The following LRMDA variants were observed in gnomAD, a reference collection of about 807,000 sequenced individuals.
LRMDA encodes the protein leucine-rich melanocyte differentiation-associated protein.
In LRMDA, 18 loss-of-function variants were observed where a neutral mutation model predicts 29.8. That is an observed-to-expected ratio of 0.60 (90% CI 0.42 to 0.90). The LOEUF is 0.90. LRMDA is among the 40% of genes least tolerant of loss of function. LRMDA has a pLI of 0.00. For synonymous variants in LRMDA, 125 were observed against 109.4 expected (o/e 1.14, Z -0.89); for missense variants, 273 against 273.9 (o/e 1.00, Z 0.02).
chr10:75,918,415 C>G (rs1439948866), intron 2 of LRMDA, among the ~76,000 whole-genome samples: 1 of 151,946 alleles, frequency 6.6e-6, no homozygotes, highest in South Asian at 2.1e-4. Context: ...AAAGAGGGAG[C>G]GGGCACATCA....
intron 5 of LRMDA, among the ~76,000 whole-genome samples, chr10:76,135,207 A>G (rs1362164494): frequency 6.6e-6 from 1 of 152,212 alleles, no homozygotes; most frequent in African/African-American, 2.4e-5. Flanking sequence ...GGATCTCATA[A>G]TGCCCACAAA....
intron 2 of LRMDA, among the ~76,000 whole-genome samples, chr10:75,960,084 C>T (rs1035573269): frequency 1.3e-5 from 2 of 152,198 alleles, no homozygotes; most frequent in Non-Finnish European, 2.9e-5. Flanking sequence ...GGCCAGTGCC[C>T]TCTCTCCACA....
intron 5 of LRMDA, among the ~76,000 whole-genome samples, chr10:76,199,512 T>A (rs569070793): frequency 6.6e-6 from 1 of 152,204 alleles, no homozygotes; most frequent in Non-Finnish European, 1.5e-5. Context: ...AGGCATTTAC[T>A]TGTATCCTTG....
chr10:76,094,124 C>T (rs1052188343), intron 5 of LRMDA, among the ~76,000 whole-genome samples: 1 of 152,094 alleles, frequency 6.6e-6, no homozygotes, highest in African/African-American at 2.4e-5. Flanking sequence ...CCCAGGAACC[C>T]CTGCTAACAT....
intron 2 of LRMDA, among the ~76,000 whole-genome samples, chr10:75,804,998 G>A (rs745492697): frequency 2.6e-5 from 4 of 152,158 alleles, no homozygotes; most frequent in Non-Finnish European, 4.4e-5. Context: ...AACAACCCTG[G>A]TGTGAGACAG....
At chr10:76,142,594 C>T (rs1444268143) in intron 5 of LRMDA, among the ~76,000 whole-genome samples, 1 of 151,834 alleles carries the variant, frequency 6.6e-6, no homozygotes, top group Non-Finnish European at 1.5e-5. Context: ...GCTATAGCAG[C>T]TGTTTCTGCA....
intron 6 of LRMDA, among the ~76,000 whole-genome samples, chr10:76,457,969 C>T (rs1002165113): frequency 6.6e-6 from 1 of 152,036 alleles, no homozygotes; most frequent in African/African-American, 2.4e-5. Context: ...GAGGGATGTG[C>T]GTGCCTCATA....
intron 2 of LRMDA, among the ~76,000 whole-genome samples, chr10:75,666,642 G>T (rs1013976566): frequency 1.3e-5 from 2 of 151,866 alleles, no homozygotes; most frequent in East Asian, 1.9e-4. Context: ...GGGCAAGAGA[G>T]AATTTATAAG....
At chr10:75,469,442 G>A (rs1197138593) in intron 2 of LRMDA, among the ~76,000 whole-genome samples, 1 of 152,086 alleles carries the variant, frequency 6.6e-6, no homozygotes. Flanking sequence ...CCTAGAGCGT[G>A]TGCTGCTTTC....
At chr10:76,143,169 T>C (rs961143802) in intron 5 of LRMDA, among the ~76,000 whole-genome samples, 2 of 152,222 alleles carry the variant, frequency 1.3e-5, no homozygotes, top group African/African-American at 4.8e-5. Flanking sequence ...CATGTGTCTT[T>C]ATAGCAGCAT....
intron 2 of LRMDA, among the ~76,000 whole-genome samples, chr10:75,866,865 T>C (rs1008705598): frequency 6.6e-6 from 1 of 152,202 alleles, no homozygotes; most frequent in African/African-American, 2.4e-5. Context: ...TTGCTGGTCG[T>C]GTCAAGAGCT....
intron 4 of LRMDA, among the ~76,000 whole-genome samples, chr10:76,050,334 G>A (rs2132044905): frequency 6.6e-6 from 1 of 152,142 alleles, no homozygotes; most frequent in Middle Eastern, 3.4e-3. Flanking sequence ...CTTACCCCCT[G>A]TGCACCCAGT....
chr10:76,176,090 T>C (rs920379842), intron 5 of LRMDA, among the ~76,000 whole-genome samples: 5 of 152,298 alleles, frequency 3.3e-5, no homozygotes. Context: ...CATAGACTCT[T>C]GCCATTAAGC....
chr10:76,164,591 A>G (rs1850701644), intron 5 of LRMDA, among the ~76,000 whole-genome samples: 1 of 152,240 alleles, frequency 6.6e-6, no homozygotes, highest in Non-Finnish European at 1.5e-5. Context: ...GTGGTCTGCA[A>G]AGAATGAAAT....
At chr10:76,146,025 T>C (rs11510976) in intron 5 of LRMDA, among the ~76,000 whole-genome samples, 54,751 of 149,048 alleles carry the variant, frequency 0.37, 10,108 homozygotes, top group African/African-American at 0.48. Context: ...TAATCCTGAG[T>C]TCTAGTTTGA....
chr10:75,486,575 T>C (rs1003010283), intron 2 of LRMDA, among the ~76,000 whole-genome samples: 2 of 152,064 alleles, frequency 1.3e-5, no homozygotes, highest in Non-Finnish European at 1.5e-5. Context: ...GAAAGCTTTA[T>C]GCAGGAGATG....
chr10:76,036,109 A>G lies in LRMDA; in HGVS notation c.233A>G (p.His78Arg). Residue 78 changes from histidine to arginine, a missense_variant, in exon 3 of 7, where the codon CAT becomes CGT. By Grantham distance (29) the His-to-Arg change is conservative (BLOSUM62 0). Coordinates refer to ENST00000611255, the MANE Select transcript of LRMDA (RefSeq NM_001305581.2). ...GTGTTGCCAGGGTTACCCAGACTGC[A>G]TACCTTAACCCTCAACAAGAACCGA... ...DLVLPGLPRL[H>R]TLTLNKNRIT... The G allele has an allele frequency of 6.2e-7, 1 of 1,613,970 alleles. No individual in the cohort carries two copies. Among genetic ancestry groups the G allele is most frequent in the African/African-American group, 1.3e-5 (1 of 75,006 alleles).
intron 5 of LRMDA, among the ~76,000 whole-genome samples, chr10:76,132,911 T>G (rs894169234): frequency 6.8e-6 from 1 of 147,142 alleles, no homozygotes; most frequent in African/African-American, 2.5e-5. Flanking sequence ...CACGCCATTC[T>G]CCCGCCTCAG....
At chr10:76,516,150 A>G (rs1186901853) in intron 6 of LRMDA, among the ~76,000 whole-genome samples, 1 of 152,232 alleles carries the variant, frequency 6.6e-6, no homozygotes, top group Non-Finnish European at 1.5e-5. Flanking sequence ...AAAGGCAAAT[A>G]TGAGCTCATG....
Sources: gnomAD v4.1 joint callset for allele counts (sites outside exome capture counted in the v4.1 genomes callset) on GRCh38, gnomAD v4.1.1 for gene constraint, MANE v1.5 for transcripts, NCBI Gene and HGNC (gene_info 2026-07-23, HGNC 2026-07-21) for gene names.